SIPA1L1: variants seen among roughly 807,000 people sequenced by gnomAD.
SIPA1L1 encodes signal-induced proliferation-associated 1-like protein 1.
Under a neutral mutation model 162.7 loss-of-function variants are expected in SIPA1L1, and 26 were observed. The ratio of observed to expected loss-of-function variants is 0.16; its 90% CI spans 0.12 to 0.22. The LOEUF is 0.22. Among genes scored for constraint, SIPA1L1 ranks in the 10% least tolerant of loss-of-function variants. SIPA1L1 has a pLI of 1.00. For synonymous variants in SIPA1L1, 829 were observed against 837.4 expected (o/e 0.99, Z 0.17); for missense variants, 1,874 against 2,241.0 (o/e 0.84, Z 3.31).
At chr14:71,725,472 C>T (rs1046395817) in intron 19 of SIPA1L1, among the ~76,000 whole-genome samples, 28 of 152,236 alleles carry the variant, frequency 1.8e-4, no homozygotes, top group Non-Finnish European at 3.4e-4. Context: ...GAATTCCAGA[C>T]TGTAAATGTC....
intron 4 of SIPA1L1, among the ~76,000 whole-genome samples, chr14:71,567,666 G>A (rs56263048): frequency 1.3e-5 from 2 of 151,158 alleles, no homozygotes; most frequent in Non-Finnish European, 2.9e-5. Context: ...CCCCTTTTTA[G>A]ACCATATAGG....
chr14:71,525,557 G>A (rs1436720016), intron 3 of SIPA1L1, among the ~76,000 whole-genome samples: 1 of 152,142 alleles, frequency 6.6e-6, no homozygotes, highest in Admixed American at 6.6e-5. Flanking sequence ...AATGACATAA[G>A]CCCATACAAT....
At chr14:71,502,242 G>GGA (rs1171229926) in intron 2 of SIPA1L1, among the ~76,000 whole-genome samples, 1 of 108,336 alleles carries the variant, frequency 9.2e-6, no homozygotes, top group African/African-American at 3.7e-5. Context: ...TGAGATACTT[G>GGA]AAAAAAAAAA....
intron 2 of SIPA1L1, among the ~76,000 whole-genome samples, chr14:71,445,674 A>G (rs1253418081): frequency 6.6e-6 from 1 of 152,138 alleles, no homozygotes; most frequent in Non-Finnish European, 1.5e-5. Flanking sequence ...AATATTTCCA[A>G]CATTTGTTGA....
intron 2 of SIPA1L1, among the ~76,000 whole-genome samples, chr14:71,492,041 G>A (rs1332628525): frequency 6.6e-6 from 1 of 152,074 alleles, no homozygotes; most frequent in African/African-American, 2.4e-5. Context: ...GTGTAATGGC[G>A]AGGCACCACG....
chr14:71,525,060 A>G (rs930875638), intron 3 of SIPA1L1, among the ~76,000 whole-genome samples: 5 of 151,962 alleles, frequency 3.3e-5, no homozygotes, highest in Non-Finnish European at 5.9e-5. Flanking sequence ...TGCAGCCTCA[A>G]CCTCCCGGGC....
intron 2 of SIPA1L1, among the ~76,000 whole-genome samples, chr14:71,465,587 A>G (rs543377107): frequency 1.3e-5 from 2 of 152,314 alleles, no homozygotes; most frequent in Non-Finnish European, 2.9e-5. Context: ...TATCTGTACT[A>G]TTAGAAGTAG....
intron 8 of SIPA1L1, among the ~76,000 whole-genome samples, chr14:71,656,413 A>G (rs781338353): frequency 1.9e-4 from 29 of 152,176 alleles, no homozygotes; most frequent in Non-Finnish European, 3.7e-4. Context: ...GTGGTGACAC[A>G]TTCACTTTAA....
At chr14:71,358,557 A>C (rs902449885) in intron 2 of SIPA1L1, among the ~76,000 whole-genome samples, 19 of 152,180 alleles carry the variant, frequency 1.2e-4, no homozygotes, top group African/African-American at 4.3e-4. Context: ...CGTCCTGTTT[A>C]AGACTGAGCC....
intron 5 of SIPA1L1, among the ~76,000 whole-genome samples, chr14:71,613,600 C>G (rs1396625101): frequency 6.6e-6 from 1 of 152,146 alleles, no homozygotes; most frequent in Non-Finnish European, 1.5e-5. Flanking sequence ...CCTGACTTTT[C>G]TCATCCTGAA....
chr14:71,716,908 C>G (rs1490994523), intron 17 of SIPA1L1, among the ~76,000 whole-genome samples: 1 of 152,178 alleles, frequency 6.6e-6, no homozygotes, highest in Non-Finnish European at 1.5e-5. Context: ...ACCTCACTAC[C>G]TCTCTTCTTT....
intron 4 of SIPA1L1, among the ~76,000 whole-genome samples, chr14:71,553,669 CTTTT>C (rs2056081300): frequency 6.6e-6 from 1 of 151,546 alleles, no homozygotes. Context: ...GGGAAGGAGA[CTTTT>C]TCCTTGGCCT....
At chr14:71,521,312 T>C (rs1178930788) in intron 3 of SIPA1L1, among the ~76,000 whole-genome samples, 1 of 152,226 alleles carries the variant, frequency 6.6e-6, no homozygotes, top group Non-Finnish European at 1.5e-5. Flanking sequence ...GACATCTCTG[T>C]ATTTTTATGC....
chr14:71,528,970 G>A (rs1475525733), intron 3 of SIPA1L1, among the ~76,000 whole-genome samples: 1 of 151,986 alleles, frequency 6.6e-6, no homozygotes, highest in Non-Finnish European at 1.5e-5. Context: ...AAATTAGCTG[G>A]GCGTGGTGGC....
intron 17 of SIPA1L1, among the ~76,000 whole-genome samples, chr14:71,719,935 A>G (rs755607664): frequency 2.6e-5 from 4 of 152,214 alleles, no homozygotes; most frequent in Admixed American, 6.5e-5. Flanking sequence ...TTGAGAATCA[A>G]TATTCCTTCA....
intron 2 of SIPA1L1, among the ~76,000 whole-genome samples, chr14:71,456,597 T>C (rs961750023): frequency 6.6e-6 from 1 of 152,218 alleles, no homozygotes; most frequent in African/African-American, 2.4e-5. Flanking sequence ...TATATTACTT[T>C]GTTTGCATCC....
chr14:71,501,725 A>G (rs1387103418), intron 2 of SIPA1L1, among the ~76,000 whole-genome samples: 2 of 152,168 alleles, frequency 1.3e-5, no homozygotes, highest in Non-Finnish European at 2.9e-5. Flanking sequence ...AAGCTTCATT[A>G]AAAAATTAAT....
chr14:71,485,436 A>G (rs1354893961), intron 2 of SIPA1L1, among the ~76,000 whole-genome samples: 1 of 152,126 alleles, frequency 6.6e-6, no homozygotes, highest in Admixed American at 6.5e-5. Context: ...GCCTCTTGTC[A>G]GATCAGTGGT....
At chr14:71,410,476 G>T (rs1183830575) in intron 2 of SIPA1L1, among the ~76,000 whole-genome samples, 1 of 152,122 alleles carries the variant, frequency 6.6e-6, no homozygotes, top group Non-Finnish European at 1.5e-5. Flanking sequence ...TAAACATATG[G>T]GTTGAGTTTT....
Sources: allele counts gnomAD v4.1 joint callset (sites outside exome capture counted in the v4.1 genomes callset), GRCh38; gene constraint gnomAD v4.1.1; transcripts MANE v1.5; gene names NCBI Gene and HGNC (gene_info 2026-07-23, HGNC 2026-07-21).